Variants in DPP10 observed in about 807,000 individuals in gnomAD.
The protein encoded by DPP10 is inactive dipeptidyl peptidase 10.
In DPP10, 33 loss-of-function variants were observed where a neutral mutation model predicts 120.9. The ratio of observed to expected loss-of-function variants is 0.27; its 90% CI spans 0.21 to 0.37. The LOEUF is 0.37. DPP10 is among the 10% of genes least tolerant of loss of function. The pLI is 1.00. For synonymous variants in DPP10, 337 were observed against 326.1 expected (o/e 1.03, Z -0.36); for missense variants, 816 against 942.8 (o/e 0.87, Z 1.76).
At chr2:115,467,174 T>G (rs545631390) in intron 3 of DPP10, among the ~76,000 whole-genome samples, 1 of 152,142 alleles carries the variant, frequency 6.6e-6, no homozygotes, top group African/African-American at 2.4e-5. Context: ...TAAAAAGAAA[T>G]GATAAATACA....
At chr2:115,054,271 G>T (rs1705723176) in intron 1 of DPP10, among the ~76,000 whole-genome samples, 1 of 152,138 alleles carries the variant, frequency 6.6e-6, no homozygotes, top group African/African-American at 2.4e-5. Flanking sequence ...GTAAAAGAAG[G>T]TAGAGAGGAG....
At chr2:115,558,376 C>T (rs941342214) in intron 5 of DPP10, among the ~76,000 whole-genome samples, 4 of 152,102 alleles carry the variant, frequency 2.6e-5, no homozygotes, top group African/African-American at 7.2e-5. Context: ...CATTCAATGC[C>T]GTCATTGAAC....
At chr2:115,086,324 G>C (rs1307485857) in intron 1 of DPP10, among the ~76,000 whole-genome samples, 1 of 151,968 alleles carries the variant, frequency 6.6e-6, no homozygotes, top group African/African-American at 2.4e-5. Flanking sequence ...TCCATCTCAG[G>C]TCTTTAGACA....
chr2:115,016,249 T>C (rs1227843420), intron 1 of DPP10, among the ~76,000 whole-genome samples: 1 of 152,106 alleles, frequency 6.6e-6, no homozygotes, highest in Non-Finnish European at 1.5e-5. Flanking sequence ...AAACAAGCAA[T>C]GGGGAAAGGA....
intron 3 of DPP10, among the ~76,000 whole-genome samples, chr2:115,398,595 C>CT (rs1330457579): frequency 6.6e-6 from 1 of 151,618 alleles, no homozygotes; most frequent in Non-Finnish European, 1.5e-5. Context: ...TAATAAAATG[C>CT]TTTTTTTGCA....
intron 7 of DPP10, among the ~76,000 whole-genome samples, chr2:115,711,915 GGTTTTTTTTTTT>G (rs1460602072): frequency 1.0e-5 from 1 of 96,986 alleles, no homozygotes; most frequent in Non-Finnish European, 2.0e-5. Context: ...AAAATGGTCT[GGTTTTTTTTTTT>G]TTTTTTTTTT....
intron 3 of DPP10, among the ~76,000 whole-genome samples, chr2:115,470,962 C>T (rs2074674294): frequency 6.6e-6 from 1 of 152,142 alleles, no homozygotes; most frequent in Non-Finnish European, 1.5e-5. Context: ...GAAGAGCTTT[C>T]AACTTTTTCT....
chr2:114,953,758 T>C (rs908804773), intron 1 of DPP10, among the ~76,000 whole-genome samples: 2 of 152,186 alleles, frequency 1.3e-5, no homozygotes, highest in African/African-American at 4.8e-5. Context: ...ATTTTCTTAA[T>C]GGTACCGTAT....
rs777324477 is a variant in DPP10, at chr2:115,836,463, T to C, written c.2051-44T>C. Reference sequence around the variant, plus strand: ...AAATTAATGAAATATGCCAGTCAAATAGTTTTTAGTTTCTTCTCGAATGTC... The same window carrying C: ...AAATTAATGAAATATGCCAGTCAAACAGTTTTTAGTTTCTTCTCGAATGTC... On this transcript the variant is annotated intron_variant, in intron 22 of 25. Transcript: ENST00000410059. 41 of 1,584,482 alleles carry C rather than the reference T, an allele frequency of 2.6e-5. No homozygotes were observed. In the Admixed American group the frequency reaches 2.8e-4, roughly 11 times the overall value.
intron 3 of DPP10, among the ~76,000 whole-genome samples, chr2:115,378,277 T>G (rs1244552886): frequency 1.3e-5 from 2 of 150,708 alleles, no homozygotes; most frequent in African/African-American, 4.9e-5. Flanking sequence ...ACATCCCTTG[T>G]AAGTTGGATT....
At chr2:114,977,956 G>A (rs1325707813) in intron 1 of DPP10, among the ~76,000 whole-genome samples, 1 of 151,816 alleles carries the variant, frequency 6.6e-6, no homozygotes, top group Non-Finnish European at 1.5e-5. Context: ...GCAAATTTGG[G>A]AGGGAGATTT....
chr2:115,681,125 T>G (rs1293509159), intron 5 of DPP10, among the ~76,000 whole-genome samples: 1 of 151,884 alleles, frequency 6.6e-6, no homozygotes, highest in Non-Finnish European at 1.5e-5. Flanking sequence ...ATAAATTGTT[T>G]TAGCCGTAGT....
chr2:114,704,653 T>C (rs1426484263), intron 1 of DPP10, among the ~76,000 whole-genome samples: 8 of 152,184 alleles, frequency 5.3e-5, no homozygotes, highest in Admixed American at 5.2e-4. Context: ...ACACTCTCTC[T>C]CCCTTTTAGG....
At chr2:115,484,146 C>A (rs11899475) in intron 3 of DPP10, among the ~76,000 whole-genome samples, 20 of 151,220 alleles carry the variant, frequency 1.3e-4, no homozygotes, top group South Asian at 8.4e-4. Context: ...TACACCCCCC[C>A]CCCACACACA....
intron 5 of DPP10, among the ~76,000 whole-genome samples, chr2:115,675,443 C>G (rs1419398691): frequency 6.6e-6 from 1 of 151,712 alleles, no homozygotes; most frequent in Non-Finnish European, 1.5e-5. Flanking sequence ...TAACAGCAAA[C>G]CACACACATT....
chr2:114,909,238 C>T (rs1694191540), intron 1 of DPP10, among the ~76,000 whole-genome samples: 1 of 151,950 alleles, frequency 6.6e-6, no homozygotes, highest in Admixed American at 6.6e-5. Flanking sequence ...TAATGATTAA[C>T]ACATGGATAA....
chr2:115,416,028 A>G (rs2069397718), intron 3 of DPP10, among the ~76,000 whole-genome samples: 1 of 151,846 alleles, frequency 6.6e-6, no homozygotes, highest in Non-Finnish European at 1.5e-5. Context: ...TGAAAGCAAA[A>G]CAGTAAACTT....
At chr2:114,544,022 A>G (rs1265445194) in intron 1 of DPP10, among the ~76,000 whole-genome samples, 1 of 151,992 alleles carries the variant, frequency 6.6e-6, no homozygotes, top group Non-Finnish European at 1.5e-5. Context: ...TATATCAGGG[A>G]ATATAGCAGT....
intron 1 of DPP10, among the ~76,000 whole-genome samples, chr2:115,278,104 C>T (rs1020969970): frequency 2.6e-5 from 4 of 152,150 alleles, no homozygotes; most frequent in Admixed American, 6.5e-5. Flanking sequence ...TTACGCTATT[C>T]GGGCATGTCA....
Sources: gnomAD v4.1 joint callset for allele counts (sites outside exome capture counted in the v4.1 genomes callset) on GRCh38, gnomAD v4.1.1 for gene constraint, MANE v1.5 for transcripts, NCBI Gene and HGNC (gene_info 2026-07-23, HGNC 2026-07-21) for gene names.